PARD3: variants seen among roughly 807,000 people sequenced by gnomAD.
PARD3 encodes the protein par-3 family cell polarity regulator, also known as partitioning defective 3 homolog.
A neutral mutation model predicts 155.4 loss-of-function variants in PARD3; 75 were observed. That is an observed-to-expected ratio of 0.48 (90% CI 0.40 to 0.58). The LOEUF (loss-of-function observed/expected upper bound fraction) is 0.58. Among genes scored for constraint, PARD3 ranks in the 20% least tolerant of loss-of-function variants. PARD3 has a pLI of 0.00. For synonymous variants in PARD3, 576 were observed against 610.5 expected, an observed-to-expected ratio of 0.94 and a Z score of 0.83; for missense variants, 1,642 against 1,721.7, an observed-to-expected ratio of 0.95 and a Z score of 0.82.
chr10:34,461,711 T>C (rs1488735568), intron 4 of PARD3, among the ~76,000 whole-genome samples: 4 of 152,238 alleles, frequency 2.6e-5, no homozygotes, highest in East Asian at 1.9e-4. Context: ...TATAATTTAA[T>C]CAATGATACT....
intron 22 of PARD3, among the ~76,000 whole-genome samples, chr10:34,175,590 A>G (rs1589023284): frequency 6.6e-6 from 1 of 152,214 alleles, no homozygotes. Context: ...TCACCTGGGG[A>G]AAAATATTCC....
At chr10:34,178,490 C>T (rs1950130657) in intron 22 of PARD3, among the ~76,000 whole-genome samples, 1 of 152,198 alleles carries the variant, frequency 6.6e-6, no homozygotes, top group South Asian at 2.1e-4. Context: ...GCAGGAGGGA[C>T]AGCATGTTTC....
At chr10:34,666,812 TATATAC>T (rs1422753179) in intron 2 of PARD3, among the ~76,000 whole-genome samples, 1 of 95,214 alleles carries the variant, frequency 1.1e-5, no homozygotes, top group African/African-American at 4.7e-5. Flanking sequence ...TATATATATA[TATATAC>T]ACACACACAC....
chr10:34,797,002 T>C (rs1049376132), intron 1 of PARD3, among the ~76,000 whole-genome samples: 3 of 152,104 alleles, frequency 2.0e-5, no homozygotes, highest in African/African-American at 7.2e-5. Flanking sequence ...ATAAAATAAA[T>C]GAAATAAAAT....
intron 2 of PARD3, among the ~76,000 whole-genome samples, chr10:34,546,204 T>C (rs1486824611): frequency 6.6e-6 from 1 of 152,042 alleles, no homozygotes; most frequent in Non-Finnish European, 1.5e-5. Flanking sequence ...CTCTTTTTTT[T>C]GAAGTTAACA....
At chr10:34,729,183 G>A (rs11812353) in intron 1 of PARD3, among the ~76,000 whole-genome samples, 2 of 152,114 alleles carry the variant, frequency 1.3e-5, no homozygotes, top group Admixed American at 6.6e-5. Flanking sequence ...TAAGCGGCGC[G>A]TGACTATGAA....
chr10:34,465,293 A>G (rs546360104), intron 4 of PARD3, among the ~76,000 whole-genome samples: 154 of 152,296 alleles, frequency 1.0e-3, no homozygotes, highest in Non-Finnish European at 1.3e-3. Context: ...GTACATATGC[A>G]AAGAGCAAGC....
intron 2 of PARD3, 49 bp downstream of exon 2, chr10:34,696,269 C>CAA (rs5784425): frequency 0.042 from 38,563 of 918,978 alleles, 2 homozygotes; most frequent in Non-Finnish European, 0.048. Flanking sequence ...CCCTAGTCCT[C>CAA]AAAAAAAAAA....
intron 1 of PARD3, among the ~76,000 whole-genome samples, chr10:34,754,938 G>C (rs1434997262): frequency 2.6e-5 from 4 of 152,176 alleles, no homozygotes; most frequent in Non-Finnish European, 5.9e-5. Flanking sequence ...CTACATCCTT[G>C]ACCACAAGGA....
chr10:34,547,592 G>A (rs180756906), intron 2 of PARD3, among the ~76,000 whole-genome samples: 3 of 152,298 alleles, frequency 2.0e-5, no homozygotes, highest in Non-Finnish European at 4.4e-5. Flanking sequence ...AAGGATCACT[G>A]AAGGCAGGGT....
chr10:34,761,910 C>T (rs1009878794), intron 1 of PARD3, among the ~76,000 whole-genome samples: 1 of 151,994 alleles, frequency 6.6e-6, no homozygotes, highest in Non-Finnish European at 1.5e-5. Flanking sequence ...AGTGCTTACA[C>T]ACATATAAAC....
chr10:34,722,393 G>A (rs924367576), intron 1 of PARD3, among the ~76,000 whole-genome samples: 2 of 152,132 alleles, frequency 1.3e-5, no homozygotes, highest in Non-Finnish European at 2.9e-5. Context: ...AGTTTACCTA[G>A]TCCAAGTTTT....
intron 20 of PARD3, among the ~76,000 whole-genome samples, chr10:34,297,009 T>C (rs1195333314): frequency 6.6e-6 from 1 of 152,038 alleles, no homozygotes. Flanking sequence ...ACAACCAACA[T>C]TAAAACACCA....
chr10:34,677,071 A>G (rs1324344566), intron 2 of PARD3, among the ~76,000 whole-genome samples: 1 of 152,216 alleles, frequency 6.6e-6, no homozygotes, highest in Non-Finnish European at 1.5e-5. Flanking sequence ...AACATCCAAT[A>G]TGGTGGCAGT....
rs773041160 is a variant in PARD3, at chr10:34,378,004, T to C, written c.1502A>G (p.Gln501Arg). The change falls in exon 10 of 25, where the codon CAG (glutamine) becomes CGG (arginine). Residue 501 changes from glutamine to arginine, a missense_variant. Physicochemically the swap from Gln to Arg is conservative, Grantham distance 43. Transcript: ENST00000374788. ...GTCTCCTGCCTTAAGTCGGCCATCCTGAATGGCCGCCCCCCGGGGGAGAAT... is the reference window on the plus strand; with the variant it reads ...GTCTCCTGCCTTAAGTCGGCCATCCCGAATGGCCGCCCCCCGGGGGAGAAT... ...KNILPRGAAI[Q>R]DGRLKAGDRL... 1 of 1,587,104 alleles carries C rather than the reference T, an allele frequency of 6.3e-7. No individual in the cohort carries two copies. Among genetic ancestry groups the C allele is most frequent in the Non-Finnish European group, 8.6e-7 (1 of 1,169,412 alleles).
intron 23 of PARD3, among the ~76,000 whole-genome samples, chr10:34,128,860 T>C (rs1947436103): frequency 6.6e-6 from 1 of 152,144 alleles, no homozygotes; most frequent in Non-Finnish European, 1.5e-5. Context: ...TGTTTCAGAA[T>C]GAGTTGGAAG....
At chr10:34,798,192 G>T (rs1842488022) in intron 1 of PARD3, among the ~76,000 whole-genome samples, 1 of 151,996 alleles carries the variant, frequency 6.6e-6, no homozygotes, top group African/African-American at 2.4e-5. Context: ...AGCTGGGCAT[G>T]GTAGCATGTA....
chr10:34,609,412 C>A (rs994799908), intron 2 of PARD3, among the ~76,000 whole-genome samples: 16 of 152,324 alleles, frequency 1.1e-4, no homozygotes, highest in Admixed American at 9.8e-4. Flanking sequence ...AAGGCAAACA[C>A]CACCAATCTC....
chr10:34,286,042 T>C (rs1033226122), intron 20 of PARD3, among the ~76,000 whole-genome samples: 1 of 152,220 alleles, frequency 6.6e-6, no homozygotes, highest in Non-Finnish European at 1.5e-5. Context: ...ATACATGCTA[T>C]GCATTTAAAA....
Sources: allele counts gnomAD v4.1 joint callset (sites outside exome capture counted in the v4.1 genomes callset), GRCh38; gene constraint gnomAD v4.1.1; transcripts MANE v1.5; gene names NCBI Gene and HGNC (gene_info 2026-07-23, HGNC 2026-07-21).